SPATA6L: variants seen among roughly 807,000 people sequenced by gnomAD.
SPATA6L encodes spermatogenesis associated 6-like protein.
In SPATA6L, 68 loss-of-function variants were observed where a neutral mutation model predicts 49.2. The observed-to-expected ratio is 1.38, with a 90% CI of 1.14 to 1.69. The LOEUF is 1.69. Ranked by LOEUF, SPATA6L falls within the 40% of genes most tolerant of loss-of-function variation. The pLI, the probability that SPATA6L is intolerant of heterozygous loss-of-function variation, is 0.00. For missense variants in SPATA6L, 668 were observed against 464.3 expected, an observed-to-expected ratio of 1.44 and a Z score of -4.03; for synonymous variants, 198 against 165.7, an observed-to-expected ratio of 1.19 and a Z score of -1.50.
At chr9:4,601,741 GAC>G (rs1044782796) in intron 11 of SPATA6L, among the ~76,000 whole-genome samples, 11 of 152,182 alleles carry the variant, frequency 7.2e-5, no homozygotes, top group African/African-American at 2.7e-4. Context: ...CCGGGACTGG[GAC>G]ACGTAGTGGG....
At chr9:4,638,004 C>T (rs1833147491) in intron 3 of SPATA6L, among the ~76,000 whole-genome samples, 2 of 152,078 alleles carry the variant, frequency 1.3e-5, no homozygotes, top group African/African-American at 4.8e-5. Context: ...TGAGAACCTC[C>T]TATGTAGTAA....
intron 2 of SPATA6L, among the ~76,000 whole-genome samples, chr9:4,659,324 C>G (rs1198829166): frequency 6.6e-6 from 1 of 152,134 alleles, no homozygotes; most frequent in Admixed American, 6.5e-5. Flanking sequence ...GTGACATGCT[C>G]AAGTCTCAGG....
intron 5 of SPATA6L, chr9:4,628,337 T>C (rs1830745893): frequency 6.5e-6 from 1 of 154,370 alleles, no homozygotes; most frequent in African/African-American, 2.4e-5. Context: ...TTACATACTG[T>C]ATGCCTATAT....
intron 3 of SPATA6L, among the ~76,000 whole-genome samples, chr9:4,641,145 C>G (rs1030491702): frequency 6.6e-6 from 1 of 151,778 alleles, no homozygotes; most frequent in African/African-American, 2.4e-5. Context: ...ATATGTCTTT[C>G]AAGAGACCAG....
At chr9:4,658,451 A>C (rs1040206390) in intron 2 of SPATA6L, among the ~76,000 whole-genome samples, 4 of 152,224 alleles carry the variant, frequency 2.6e-5, no homozygotes, top group Non-Finnish European at 5.9e-5. Context: ...AACAGGAAGA[A>C]AGGAATATGA....
chr9:4,661,975 A>G lies in SPATA6L; in HGVS notation c.101T>C (p.Met34Thr). 1 of 1,614,168 alleles carries G rather than the reference A, an allele frequency of 6.2e-7. No individual in the cohort carries two copies. The highest frequency in any genetic ancestry group is 8.5e-7 in the Non-Finnish European group (1 of 1,180,006). Residue 34 changes from methionine to threonine, a missense_variant, in exon 2 of 12, where the codon ATG becomes ACG. Physicochemically the swap from Met to Thr is moderately conservative, Grantham distance 81. Coordinates refer to ENST00000682582, the MANE Select transcript of SPATA6L (RefSeq NM_001353486.2). ...KQDVYLGVYL[M>T]NQYLETNSFP... ...GCTGTTGGTCTCCAGGTACTGATTC[A>G]TGAGGTAGACCCCGAGGTACACATC...
chr9:4,614,674 T>C (rs542902780), intron 9 of SPATA6L, among the ~76,000 whole-genome samples: 1 of 152,242 alleles, frequency 6.6e-6, no homozygotes, highest in South Asian at 2.1e-4. Context: ...GACTCAGGGG[T>C]TTCCCAGGAT....
intron 3 of SPATA6L, among the ~76,000 whole-genome samples, chr9:4,648,756 G>T (rs1447009041): frequency 6.7e-6 from 1 of 148,596 alleles, no homozygotes; most frequent in Non-Finnish European, 1.5e-5. Flanking sequence ...TGATCTGTGA[G>T]ATTTTGGTGC....
At chr9:4,608,836 A>G (rs957681800) in intron 9 of SPATA6L, among the ~76,000 whole-genome samples, 1 of 152,112 alleles carries the variant, frequency 6.6e-6, no homozygotes, top group Non-Finnish European at 1.5e-5. Flanking sequence ...AAAACCCTTC[A>G]AAAAATTAAT....
chr9:4,620,995 A>G (rs1829164686), intron 7 of SPATA6L, among the ~76,000 whole-genome samples: 1 of 152,228 alleles, frequency 6.6e-6, no homozygotes, highest in African/African-American at 2.4e-5. Context: ...GCTGTCAAAC[A>G]GCTACCACAG....
chr9:4,629,081 T>C lies in SPATA6L; in HGVS notation c.429+10A>G. ...GGTCATTTCTATCACTAGATTTGTA[T>C]TGTACTTACAAGAAATCTGTTTCTA... On this transcript the variant is annotated intron_variant, in intron 5 of 11. Coordinates refer to ENST00000682582, the MANE Select transcript of SPATA6L (RefSeq NM_001353486.2). 1.3e-6 allele frequency: 2 copies of C among 1,577,488 alleles called. No individual in the cohort carries two copies. Among genetic ancestry groups the C allele is most frequent in the East Asian group, 2.2e-5 (1 of 44,502 alleles).
intron 5 of SPATA6L, chr9:4,627,894 A>T: frequency 2.1e-6 from 2 of 951,200 alleles, no homozygotes; most frequent in African/African-American, 1.7e-5. Flanking sequence ...TAAAGAAATT[A>T]TATTACATAC....
intron 3 of SPATA6L, among the ~76,000 whole-genome samples, chr9:4,648,510 C>T (rs189495199): frequency 7.8e-6 from 1 of 127,798 alleles, no homozygotes; most frequent in African/African-American, 3.2e-5. Context: ...CCATCCTGGT[C>T]TAACTCGGTG....
intron 6 of SPATA6L, among the ~76,000 whole-genome samples, chr9:4,622,993 A>G (rs1277026301): frequency 6.6e-6 from 1 of 152,062 alleles, no homozygotes; most frequent in African/African-American, 2.4e-5. Context: ...GAATAAGGGT[A>G]GCTAGGCCGG....
chr9:4,647,621 T>C (rs969370561), intron 3 of SPATA6L, among the ~76,000 whole-genome samples: 4 of 151,866 alleles, frequency 2.6e-5, no homozygotes, highest in African/African-American at 4.8e-5. Context: ...AAAATATATA[T>C]ATATAAAACT....
At chr9:4,616,595 G>A (rs944002352) in intron 9 of SPATA6L, among the ~76,000 whole-genome samples, 1 of 152,086 alleles carries the variant, frequency 6.6e-6, no homozygotes, top group Admixed American at 6.6e-5. Flanking sequence ...TTGTTTGTTT[G>A]TTTGTTTTAA....
At chr9:4,621,031 A>C (rs1775345166) in intron 7 of SPATA6L, among the ~76,000 whole-genome samples, 1 of 152,234 alleles carries the variant, frequency 6.6e-6, no homozygotes, top group South Asian at 2.1e-4. Flanking sequence ...TTAAGTTTCC[A>C]TAAGAGACTT....
chr9:4,612,458 C>G (rs936548316), intron 9 of SPATA6L, among the ~76,000 whole-genome samples: 2 of 152,216 alleles, frequency 1.3e-5, no homozygotes, highest in Non-Finnish European at 2.9e-5. Flanking sequence ...ACCCCAGGGG[C>G]TCACTACTCT....
chr9:4,644,960 G>C (rs1279851779), intron 3 of SPATA6L, among the ~76,000 whole-genome samples: 1 of 152,166 alleles, frequency 6.6e-6, no homozygotes, highest in Non-Finnish European at 1.5e-5. Context: ...TTTAGGCTTT[G>C]TAGGCCATCT....
Sources: gnomAD v4.1 joint callset for allele counts (sites outside exome capture counted in the v4.1 genomes callset) on GRCh38, gnomAD v4.1.1 for gene constraint, MANE v1.5 for transcripts, NCBI Gene and HGNC (gene_info 2026-07-23, HGNC 2026-07-21) for gene names.